Variants in GRM7 observed in about 807,000 individuals in gnomAD.
The protein encoded by GRM7 is metabotropic glutamate receptor 7.
GRM7 carries 35 observed loss-of-function variants against 84.5 expected under a neutral mutation model. That is an observed-to-expected ratio of 0.41 (90% confidence interval 0.32 to 0.55). GRM7 has a LOEUF of 0.55. GRM7 is among the 20% of genes least tolerant of loss of function. The probability of loss-of-function intolerance (pLI) is 0.19; values close to 1 mark genes in which losing one functional copy is unlikely to be tolerated. For synonymous variants in GRM7, 487 were observed against 455.1 expected, an observed-to-expected ratio of 1.07 and a Z score of -0.89; for missense variants, 1,003 against 1,194.6, an observed-to-expected ratio of 0.84 and a Z score of 2.36.
intron 1 of GRM7, among the ~76,000 whole-genome samples, chr3:6,994,802 G>A (rs1318142378): frequency 6.6e-6 from 1 of 152,150 alleles, no homozygotes; most frequent in African/African-American, 2.4e-5. Context: ...AATAATTGTT[G>A]TTGTTTTTCT....
intron 1 of GRM7, among the ~76,000 whole-genome samples, chr3:6,902,770 G>A (rs1696433961): frequency 6.6e-6 from 1 of 151,642 alleles, no homozygotes; most frequent in Admixed American, 6.6e-5. Flanking sequence ...AATTTGACTT[G>A]CTCAAGAGTC....
intron 7 of GRM7, among the ~76,000 whole-genome samples, chr3:7,562,384 A>G (rs1314386418): frequency 2.6e-5 from 4 of 152,024 alleles, no homozygotes; most frequent in African/African-American, 9.7e-5. Flanking sequence ...ACTAGTTTTA[A>G]TTGACTATTA....
At chr3:7,335,855 G>GAAAGAA (rs1701398240) in intron 4 of GRM7, among the ~76,000 whole-genome samples, 1 of 151,802 alleles carries the variant, frequency 6.6e-6, no homozygotes, top group Non-Finnish European at 1.5e-5. Context: ...GATTAAATCA[G>GAAAGAA]AAAGAAAAAG....
At chr3:7,114,214 A>C (rs950967156) in intron 1 of GRM7, among the ~76,000 whole-genome samples, 3 of 152,216 alleles carry the variant, frequency 2.0e-5, no homozygotes, top group Non-Finnish European at 2.9e-5. Flanking sequence ...GCACATACTT[A>C]CTAGAAGTGG....
chr3:7,557,901 T>A (rs540546077), intron 7 of GRM7, among the ~76,000 whole-genome samples: 1 of 152,216 alleles, frequency 6.6e-6, no homozygotes, highest in African/African-American at 2.4e-5. Flanking sequence ...ATAAGCAGGA[T>A]CAATATTAAA....
At chr3:7,692,722 A>G (rs1700854836) in intron 9 of GRM7, among the ~76,000 whole-genome samples, 3 of 152,170 alleles carry the variant, frequency 2.0e-5, no homozygotes, top group South Asian at 4.1e-4. Flanking sequence ...ACACACACCA[A>G]TGAGTGGCAG....
intron 7 of GRM7, among the ~76,000 whole-genome samples, chr3:7,514,521 A>G: frequency 6.6e-6 from 1 of 152,200 alleles, no homozygotes; most frequent in East Asian, 1.9e-4. Flanking sequence ...TGTAGGCTCT[A>G]AAATGCCCAT....
In GRM7 at chr3:7,424,398, C is replaced by T. The variant is rs550052276; in HGVS notation, c.1174+9235C>T. Among the ~76,000 whole-genome samples the T allele has an allele frequency of 3.9e-5, 6 of 152,202 alleles. No homozygotes were observed. The East Asian group carries it at 1.2e-3, about 29-fold the overall frequency. ...CATATAAAGCATTATTCTTCCTTTACCTTAAATACCTGTTGCCTTATATCA... is the reference window on the plus strand; with the variant it reads ...CATATAAAGCATTATTCTTCCTTTATCTTAAATACCTGTTGCCTTATATCA... On this transcript the variant is annotated intron_variant, in intron 5 of 9. Coordinates refer to ENST00000357716, the MANE Select transcript of GRM7 (RefSeq NM_000844.4).
At chr3:7,081,971 A>G (rs1698288870) in intron 1 of GRM7, among the ~76,000 whole-genome samples, 1 of 152,148 alleles carries the variant, frequency 6.6e-6, no homozygotes, top group African/African-American at 2.4e-5. Context: ...AAGTTTAAGA[A>G]AAAGATCTTA....
At chr3:7,498,429 G>T (rs930941539) in intron 7 of GRM7, among the ~76,000 whole-genome samples, 1 of 152,212 alleles carries the variant, frequency 6.6e-6, no homozygotes, top group Non-Finnish European at 1.5e-5. Flanking sequence ...CCTCATTCAC[G>T]ACTGTCCTTG....
At chr3:7,210,128 T>A (rs1040942455) in intron 2 of GRM7, among the ~76,000 whole-genome samples, 1 of 152,202 alleles carries the variant, frequency 6.6e-6, no homozygotes, top group Non-Finnish European at 1.5e-5. Flanking sequence ...CTCTTTGTGC[T>A]CAACTATTGC....
At chr3:7,321,348 C>A (rs2125053501) in intron 4 of GRM7, among the ~76,000 whole-genome samples, 1 of 152,126 alleles carries the variant, frequency 6.6e-6, no homozygotes, top group African/African-American at 2.4e-5. Context: ...TATGTGTAGG[C>A]ATGGCATTAT....
At chr3:6,867,320 G>A (rs923405124) in intron 1 of GRM7, among the ~76,000 whole-genome samples, 1 of 152,020 alleles carries the variant, frequency 6.6e-6, no homozygotes, top group East Asian at 1.9e-4. Context: ...CCCAGCTTCG[G>A]GACATTCAAG....
chr3:7,385,521 C>T (rs574264299), intron 4 of GRM7, among the ~76,000 whole-genome samples: 4 of 151,960 alleles, frequency 2.6e-5, no homozygotes, highest in South Asian at 4.2e-4. Context: ...AGGATGGTCT[C>T]GATCTCCTGA....
intron 1 of GRM7, among the ~76,000 whole-genome samples, chr3:6,955,289 A>C (rs1692987346): frequency 6.6e-6 from 1 of 152,184 alleles, no homozygotes; most frequent in Non-Finnish European, 1.5e-5. Flanking sequence ...TAATCCCAGC[A>C]CTTTGGGAGG....
chr3:7,394,686 A>C (rs2648647), intron 4 of GRM7, among the ~76,000 whole-genome samples: 152,233 of 152,234 alleles, frequency 1, 76,116 homozygotes, highest in Non-Finnish European at 1. Context: ...TTTTTCAGCA[A>C]CTTCGTATTG....
chr3:7,570,700 G>T (rs767271844), intron 7 of GRM7, among the ~76,000 whole-genome samples: 2 of 152,202 alleles, frequency 1.3e-5, no homozygotes. Flanking sequence ...CCATTCTGGG[G>T]TCTGAAGGAT....
rs993792718 is a variant in GRM7 at position 7,680,376 on chromosome 3, G to A, written c.2698+81G>A. On this transcript the variant is annotated intron_variant, in intron 9 of 9. Transcript: ENST00000357716. Reference sequence around the variant, plus strand: ...GATGTGGGGTGTGCTTGCCTCTCTGGAGAAATACTGTGATCGTTCTTGTCT... The same window carrying A: ...GATGTGGGGTGTGCTTGCCTCTCTGAAGAAATACTGTGATCGTTCTTGTCT... 22 of 1,411,112 alleles carry A rather than the reference G, an allele frequency of 1.6e-5. No homozygotes were observed. The African/African-American group carries it at 3.1e-4, about 20-fold the overall frequency. The allele number at this position is 1,411,112 out of a possible 1,614,324, so 87.4% of individuals were successfully genotyped here. A position where few individuals can be genotyped will look rare whatever the true frequency, so the allele number is the denominator to read the frequency against.
At chr3:7,075,495 GATGT>G (rs1269731475) in intron 1 of GRM7, among the ~76,000 whole-genome samples, 2 of 96,930 alleles carry the variant, frequency 2.1e-5, no homozygotes, top group African/African-American at 9.1e-5. Context: ...TTGCTTCTCA[GATGT>G]GTGTGTGTGT....
Sources: gnomAD v4.1 joint callset for allele counts (sites outside exome capture counted in the v4.1 genomes callset) on GRCh38, gnomAD v4.1.1 for gene constraint, MANE v1.5 for transcripts, NCBI Gene and HGNC (gene_info 2026-07-23, HGNC 2026-07-21) for gene names.